Variants in RC3H2 observed in about 807,000 individuals in gnomAD.
RC3H2 encodes the protein ring finger and CCCH-type domains 2, also known as roquin-2.
Under a neutral mutation model 133.3 loss-of-function variants are expected in RC3H2, and 31 were observed. That is an observed-to-expected ratio of 0.23 (90% CI 0.17 to 0.31). RC3H2 has a LOEUF of 0.31. Among genes scored for constraint, RC3H2 ranks in the 10% least tolerant of loss-of-function variants. RC3H2 has a pLI of 1.00. For missense variants in RC3H2, 1,175 were observed against 1,437.2 expected (o/e 0.82, Z 2.95); for synonymous variants, 517 against 502.2 (o/e 1.03, Z -0.40).
chr9:122,863,883 A>G (rs1830546913), intron 10 of RC3H2, among the ~76,000 whole-genome samples: 1 of 152,146 alleles, frequency 6.6e-6, no homozygotes, highest in African/African-American at 2.4e-5. Flanking sequence ...GATTACAGGC[A>G]TGCGCCACCA....
In RC3H2 at chr9:122,853,295, T is replaced by G. The variant is rs539033758; in HGVS notation, c.3117+657A>C. 7.2e-3 allele frequency among the ~76,000 whole-genome samples: 1,084 copies of G among 150,746 alleles called. 14 individuals carry two copies. Among genetic ancestry groups the G allele is most frequent in the African/African-American group, 0.025 (1,032 of 40,952 alleles). On this transcript the variant is annotated intron_variant, in intron 18 of 20. Coordinates refer to ENST00000357244, the MANE Select transcript of RC3H2 (RefSeq NM_001100588.3). ...GGAAAACCAGAGACCTTTGTTCACT[T>G]GTTTATCTGCTGACCTTCCCTCCAC...
intron 4 of RC3H2, among the ~76,000 whole-genome samples, chr9:122,889,254 T>C (rs1173664443): frequency 1.3e-5 from 2 of 152,168 alleles, no homozygotes; most frequent in Non-Finnish European, 2.9e-5. Context: ...TTATTGTTTC[T>C]AGATTTTGAG....
chr9:122,861,262 A>G (rs2131399140), intron 10 of RC3H2, among the ~76,000 whole-genome samples: 1 of 152,188 alleles, frequency 6.6e-6, no homozygotes, highest in Non-Finnish European at 1.5e-5. Flanking sequence ...AGGCCGAGGC[A>G]GGCAGATCAA....
At chr9:122,854,342 T>C (rs781653701) in intron 16 of RC3H2, 76 bp from the exon 17 acceptor site, 187 of 1,338,734 alleles carry the variant, frequency 1.4e-4, no homozygotes, top group Non-Finnish European at 2.0e-4. Context: ...CCATATGTTT[T>C]ATGTGACAGA....
chr9:122,865,896 T>C (rs1830626937), intron 9 of RC3H2, among the ~76,000 whole-genome samples: 1 of 17,028 alleles, frequency 5.9e-5, no homozygotes, highest in South Asian at 7.8e-3. Context: ...GCCGAGTTTA[T>C]ATGTATTTTT....
At chr9:122,897,825 A>C in intron 1 of RC3H2, 1 of 208,588 alleles carries the variant, frequency 4.8e-6, no homozygotes, top group Non-Finnish European at 9.5e-6. Context: ...CATAATAAAC[A>C]TCAAAGCTTT....
intron 18 of RC3H2, 103 bp from the exon 19 acceptor site, chr9:122,851,539 C>A (rs1179901884): frequency 1.4e-6 from 2 of 1,454,668 alleles, no homozygotes; most frequent in African/African-American, 1.4e-5. Context: ...GTCTCCCTCT[C>A]ATGCCGAGCC....
In RC3H2 at chr9:122,849,741, G is replaced by A. The variant is rs1489147745; in HGVS notation, c.3462C>T (p.Leu1154=). ...CAGCACTGACAGATGTGGTGATGGG[G>A]AGGCAACTTGCATTGCTAATAGACA... ...LPVSISNASC[L]PITTSVSAGN... is the part of the protein sequence containing the mutation. The change falls in exon 21 of 21, where the codon CTC becomes CTT. Residue 1154 remains leucine, a synonymous_variant. Coordinates refer to ENST00000357244, the MANE Select transcript of RC3H2 (RefSeq NM_001100588.3). The A allele has an allele frequency of 1.3e-5, 21 of 1,609,446 alleles. No individual in the cohort carries two copies. Among genetic ancestry groups the A allele is most frequent in the Non-Finnish European group, 1.7e-5 (20 of 1,177,692 alleles).
intron 1 of RC3H2, among the ~76,000 whole-genome samples, chr9:122,902,271 C>G (rs530164021): frequency 6.6e-6 from 1 of 152,052 alleles, no homozygotes; most frequent in South Asian, 2.1e-4. Context: ...TTAGTGATGA[C>G]GAGAAAAATA....
rs561735913 is a variant in RC3H2, at chr9:122,861,240, T to C, written c.1635-1109A>G. ...GCACGGTGGCTCACACCTGTAATCCTAGCACTTTGGGAGGCCGAGGCAGGC... is the reference window on the plus strand; with the variant it reads ...GCACGGTGGCTCACACCTGTAATCCCAGCACTTTGGGAGGCCGAGGCAGGC... On this transcript the variant is annotated intron_variant, in intron 10 of 20. Coordinates refer to ENST00000357244, the MANE Select transcript of RC3H2 (RefSeq NM_001100588.3). 4.6e-5 allele frequency among the ~76,000 whole-genome samples: 7 copies of C among 152,122 alleles called. No homozygotes were observed. The East Asian group carries it at 1.4e-3, about 29-fold the overall frequency.
chr9:122,883,519 A>G, intron 4 of RC3H2, 140 bp from the exon 5 acceptor site: 1 of 544,108 alleles, frequency 1.8e-6, no homozygotes, highest in Non-Finnish European at 3.1e-6. Context: ...AGAGGACATC[A>G]CACGTACATA....
At chr9:122,881,307 C>T (rs1040049487) in intron 5 of RC3H2, among the ~76,000 whole-genome samples, 2 of 151,660 alleles carry the variant, frequency 1.3e-5, no homozygotes, top group Non-Finnish European at 2.9e-5. Context: ...GCCAACATGA[C>T]GAAACCCCAT....
At chr9:122,862,215 C>T (rs1830482874) in intron 10 of RC3H2, among the ~76,000 whole-genome samples, 1 of 152,162 alleles carries the variant, frequency 6.6e-6, no homozygotes, top group Non-Finnish European at 1.5e-5. Context: ...AAAAGCTAAT[C>T]TTCAAGGCAA....
rs1289290993 is a variant in RC3H2, at chr9:122,847,941, T to C, written c.*1686A>G. On this transcript the variant is annotated 3_prime_UTR_variant, in exon 21 of 21. Coordinates refer to ENST00000357244, the MANE Select transcript of RC3H2 (RefSeq NM_001100588.3). ...TATTTACAACTTATCAGTCACCTTA[T>C]GAGCATGTTCATTAAGACAGGTATC... 2 of 152,200 alleles carry C rather than the reference T, an allele frequency of 1.3e-5. No individual in the cohort carries two copies. The highest frequency in any genetic ancestry group is 4.8e-5 in the African/African-American group (2 of 41,476). The allele number at this position is 152,200 out of a possible 1,614,324, so 9.4% of individuals were successfully genotyped here.
intron 1 of RC3H2, among the ~76,000 whole-genome samples, chr9:122,901,655 G>A (rs1315633639): frequency 2.0e-5 from 3 of 148,386 alleles, no homozygotes; most frequent in Admixed American, 1.4e-4. Context: ...GCGGTGGTGC[G>A]ATTTCGGCTC....
chr9:122,878,436 A>G (rs1020462835), intron 8 of RC3H2, among the ~76,000 whole-genome samples: 4 of 151,790 alleles, frequency 2.6e-5, no homozygotes, highest in African/African-American at 9.7e-5. Flanking sequence ...ACGCCCGGCT[A>G]ATTTTTTGTA....
At chr9:122,863,153 G>C (rs2131403400) in intron 10 of RC3H2, among the ~76,000 whole-genome samples, 1 of 152,088 alleles carries the variant, frequency 6.6e-6, no homozygotes, top group East Asian at 1.9e-4. Context: ...TGCCTATTCT[G>C]GACATTTAAC....
At position 122,890,446 on chromosome 9, in the gene RC3H2, C is replaced by CT; in HGVS notation, c.448dup (p.Arg150LysfsTer104). On this transcript the variant is annotated frameshift_variant, in exon 4 of 21. Transcript: ENST00000357244. LOFTEE classifies it high-confidence loss of function. ...AAGGGAACGAGCTGCTCGCATGGCT[C>CT]TTACACGACCTTCTTCCTCCACCAG... The CT allele has an allele frequency of 6.2e-7, 1 of 1,614,210 alleles. No individual in the cohort carries two copies. The highest frequency in any genetic ancestry group is 8.5e-7 in the Non-Finnish European group (1 of 1,180,038).
chr9:122,895,871 C>G (rs1243988055), intron 2 of RC3H2, among the ~76,000 whole-genome samples: 1 of 152,110 alleles, frequency 6.6e-6, no homozygotes, highest in African/African-American at 2.4e-5. Flanking sequence ...ATGCTGAATA[C>G]TTTCTGTCAA....
Sources: allele counts gnomAD v4.1 joint callset (sites outside exome capture counted in the v4.1 genomes callset), GRCh38; gene constraint gnomAD v4.1.1; transcripts MANE v1.5; gene names NCBI Gene and HGNC (gene_info 2026-07-23, HGNC 2026-07-21).